The following NFASC variants were observed in gnomAD, a reference collection of about 807,000 sequenced individuals.
NFASC encodes neurofascin homolog.
A neutral mutation model predicts 147.5 loss-of-function variants in NFASC; 43 were observed. The ratio of observed to expected loss-of-function variants is 0.29; its 90% confidence interval spans 0.23 to 0.38. The LOEUF is 0.38. Among genes scored for constraint, NFASC ranks in the 10% least tolerant of loss-of-function variants. The pLI is 1.00. For synonymous variants in NFASC, 622 were observed against 665.5 expected, an observed-to-expected ratio of 0.93 and a Z score of 1.01; for missense variants, 1,320 against 1,689.0, an observed-to-expected ratio of 0.78 and a Z score of 3.83.
chr1:204,835,758 A>C (rs1451140878), intron 1 of NFASC, among the ~76,000 whole-genome samples: 1 of 152,158 alleles, frequency 6.6e-6, no homozygotes, highest in Non-Finnish European at 1.5e-5. Context: ...ACCTCGTTGC[A>C]CTGCTGTCTC....
rs1485712943 is a variant in NFASC at position 205,022,041 on chromosome 1, G to T, written c.*5502G>T. 1 of 152,660 alleles carries T rather than the reference G, an allele frequency of 6.6e-6. No homozygotes were observed. The highest frequency in any genetic ancestry group is 2.4e-5 in the African/African-American group (1 of 41,436). 9.5% of individuals were successfully genotyped at this position (152,660 alleles called of 1,614,324 possible). A position where few individuals can be genotyped will look rare whatever the true frequency, so the allele number is the denominator to read the frequency against. ...GGTGCAGAGAGGCAGCAGGGCCCAT[G>T]CAAGCTGCCACCCTGGGATTTGCTG... On this transcript the variant is annotated 3_prime_UTR_variant, in exon 30 of 30. Coordinates refer to ENST00000339876, the MANE Select transcript of NFASC (RefSeq NM_001005388.3).
In NFASC at chr1:204,974,733, A is replaced by T; in HGVS notation, c.1468A>T (p.Met490Leu). ...TGAGAACGGCAGTCTGGAAATTAAG[A>T]TGATCCGCAAAGAGGACCAGGGCAT... Reference protein sequence around the residue: ...VYENGSLEIKMIRKEDQGIYT... With the variant: ...VYENGSLEIKLIRKEDQGIYT... Residue 490 changes from methionine to leucine, a missense_variant, in exon 14 of 30, where the codon ATG becomes TTG. Physicochemically the swap from Met to Leu is conservative, Grantham distance 15. Transcript: ENST00000339876. The T allele has an allele frequency of 1.2e-6, 2 of 1,613,804 alleles. No homozygotes were observed. The highest frequency in any genetic ancestry group is 1.7e-6 in the Non-Finnish European group (2 of 1,179,924).
intron 24 of NFASC, 58 bp from the exon 25 acceptor site, chr1:204,997,112 G>C (rs1310411163): frequency 3.2e-6 from 5 of 1,568,572 alleles, no homozygotes; most frequent in Non-Finnish European, 4.3e-6. Flanking sequence ...GGGGCCGTGT[G>C]TCCAGGCTGG....
Position 204,976,756 on chromosome 1 carries a change from C to G in NFASC, c.1792C>G (p.Leu598Val). The stretch of plus-strand genomic sequence containing the variant: ...TTACACGTGTGTCGCCAGCACCGAG[C>G]TAGACCAAGACCTGGCCAAGGCCTA... Reference protein sequence around the residue: ...GSYTCVASTELDQDLAKAYLT... With the variant: ...GSYTCVASTEVDQDLAKAYLT... The change falls in exon 16 of 30, where the codon CTA becomes GTA. Residue 598 changes from leucine (L) to valine (V), a missense_variant. By Grantham distance (32) the Leu-to-Val change is conservative (BLOSUM62 1). Around this residue, in one of 3 missense-constraint regions of NFASC, gnomAD observed 981 missense variants for 1,289.5 expected, o/e 0.76. Coordinates refer to ENST00000339876, the MANE Select transcript of NFASC (RefSeq NM_001005388.3). 6.2e-7 allele frequency: 1 copy of G among 1,614,094 alleles called. No individual in the cohort carries two copies. Among genetic ancestry groups the G allele is most frequent in the Non-Finnish European group, 8.5e-7 (1 of 1,179,968 alleles).
At chr1:204,916,904 G>T (rs923164700) in intron 1 of NFASC, among the ~76,000 whole-genome samples, 1 of 151,964 alleles carries the variant, frequency 6.6e-6, no homozygotes, top group African/African-American at 2.4e-5. Flanking sequence ...ATTTCCTCAG[G>T]TGTAAAATGG....
intron 23 of NFASC, 97 bp downstream of exon 23, chr1:204,988,903 A>G: frequency 2.5e-6 from 3 of 1,203,996 alleles, no homozygotes; most frequent in Non-Finnish European, 1.2e-6. Context: ...TGGGATGGAG[A>G]GGAAATGAGA....
At chr1:204,861,192 A>G (rs59021437) in intron 1 of NFASC, among the ~76,000 whole-genome samples, 28,552 of 148,836 alleles carry the variant, frequency 0.19, 4,234 homozygotes, top group East Asian at 0.54. Flanking sequence ...GGGCACAAGC[A>G]ATCCTCCCAC....
At chr1:204,951,705 G>A (rs138801648) in intron 4 of NFASC, among the ~76,000 whole-genome samples, 2,977 of 151,642 alleles carry the variant, frequency 0.02, 113 homozygotes, top group African/African-American at 0.067. Flanking sequence ...TCCTGACCTC[G>A]TGATCGGCCT....
chr1:204,885,185 G>T (rs927289173), intron 1 of NFASC, among the ~76,000 whole-genome samples: 1 of 152,092 alleles, frequency 6.6e-6, no homozygotes, highest in South Asian at 2.1e-4. Flanking sequence ...GGAGCCCAGG[G>T]TGGGAACAAC....
At position 205,017,572 on chromosome 1, in the gene NFASC, G is replaced by T. The variant is rs543131530; in HGVS notation, c.*1033G>T. 1 of 152,562 alleles carries T rather than the reference G, an allele frequency of 6.6e-6. No individual in the cohort carries two copies. Among genetic ancestry groups the T allele is most frequent in the Non-Finnish European group, 1.5e-5 (1 of 68,050 alleles). The allele number at this position is 152,562 out of a possible 1,614,324, so 9.5% of individuals were successfully genotyped here. ...TCCAGAGTAGAGGGCACCTGTCCAC[G>T]TGGCCAGGGCCCATGCTGCCACCCT... On this transcript the variant is annotated 3_prime_UTR_variant, in exon 30 of 30. Transcript: ENST00000339876.
At chr1:204,839,570 A>G (rs1330087216) in intron 1 of NFASC, among the ~76,000 whole-genome samples, 1 of 151,980 alleles carries the variant, frequency 6.6e-6, no homozygotes, top group Non-Finnish European at 1.5e-5. Flanking sequence ...GGTACCAGCC[A>G]CCTCCATGCC....
At chr1:204,851,990 G>A (rs924502568) in intron 1 of NFASC, among the ~76,000 whole-genome samples, 1 of 152,176 alleles carries the variant, frequency 6.6e-6, no homozygotes, top group Non-Finnish European at 1.5e-5. Context: ...TAGTTTTCTA[G>A]GAGTGAGGGA....
At chr1:204,991,167 C>A in intron 23 of NFASC, 125 bp from the exon 24 acceptor site, 1 of 1,156,140 alleles carries the variant, frequency 8.6e-7, no homozygotes, top group South Asian at 1.3e-5. Context: ...ACGCCGTCTG[C>A]ATAAGGTTTG....
At chr1:204,830,246 A>G (rs573028647) in intron 1 of NFASC, among the ~76,000 whole-genome samples, 1 of 152,136 alleles carries the variant, frequency 6.6e-6, no homozygotes, top group Non-Finnish European at 1.5e-5. Flanking sequence ...CAGGAGTTTA[A>G]TTGTTTGTGT....
chr1:204,857,841 C>T (rs1360194338), intron 1 of NFASC, among the ~76,000 whole-genome samples: 1 of 151,764 alleles, frequency 6.6e-6, no homozygotes, highest in Non-Finnish European at 1.5e-5. Flanking sequence ...TACTTGGCTG[C>T]AGATGGCCAC....
intron 1 of NFASC, among the ~76,000 whole-genome samples, chr1:204,867,534 G>A (rs1158336128): frequency 6.6e-6 from 1 of 151,652 alleles, no homozygotes; most frequent in East Asian, 1.9e-4. Context: ...ATGCCCACAT[G>A]TACTGAGTCA....
chr1:204,900,326 T>G (rs16854681), intron 1 of NFASC, among the ~76,000 whole-genome samples: 6,347 of 152,198 alleles, frequency 0.042, 441 homozygotes, highest in African/African-American at 0.14. Context: ...AAATAAGAAC[T>G]AAGAATGGGA....
At chr1:204,983,545 C>A (rs1057412337) in intron 21 of NFASC, among the ~76,000 whole-genome samples, 5 of 152,140 alleles carry the variant, frequency 3.3e-5, no homozygotes, top group Non-Finnish European at 5.9e-5. Context: ...TAGAAGAGTA[C>A]AAGGCTGTCA....
At chr1:204,912,969 A>G (rs996681703) in intron 1 of NFASC, among the ~76,000 whole-genome samples, 3 of 152,228 alleles carry the variant, frequency 2.0e-5, no homozygotes, top group Admixed American at 6.5e-5. Context: ...CTGAGGCTGC[A>G]GTAAGTTGTG....
Sources: allele counts gnomAD v4.1 joint callset (sites outside exome capture counted in the v4.1 genomes callset), GRCh38; gene constraint gnomAD v4.1.1; regional missense constraint gnomAD v4.1.1; transcripts MANE v1.5; gene names NCBI Gene and HGNC (gene_info 2026-07-23, HGNC 2026-07-21).